GRID1: variants seen among roughly 807,000 people sequenced by gnomAD.
The protein encoded by GRID1 is glutamate receptor ionotropic, delta-1.
In GRID1, 28 loss-of-function variants were observed where a neutral mutation model predicts 98.0. The ratio of observed to expected loss-of-function variants is 0.29; its 90% CI spans 0.21 to 0.39. The LOEUF (loss-of-function observed/expected upper bound fraction) is 0.39. GRID1 is among the 10% of genes least tolerant of loss of function. The pLI, the probability that GRID1 is intolerant of heterozygous loss-of-function variation, is 1.00. For missense variants in GRID1, 1,111 were observed against 1,340.5 expected (o/e 0.83, Z 2.67); for synonymous variants, 553 against 538.5 (o/e 1.03, Z -0.37).
chr10:86,305,391 G>A lies in GRID1; in HGVS notation c.235+58550C>T, dbSNP rs771829132. Among the ~76,000 whole-genome samples the A allele has an allele frequency of 1.3e-4, 20 of 152,318 alleles. 1 individual carries two copies. Among genetic ancestry groups the A allele is most frequent in the Non-Finnish European group, 2.9e-4 (20 of 68,042 alleles). ...AGCCTATCTCTATTTCTCTTAAACTGATGGGAAGTGACATGGCTGGGCATT... is the reference window on the plus strand; with the variant it reads ...AGCCTATCTCTATTTCTCTTAAACTAATGGGAAGTGACATGGCTGGGCATT... On this transcript the variant is annotated intron_variant, in intron 2 of 15. Coordinates refer to ENST00000327946, the MANE Select transcript of GRID1 (RefSeq NM_017551.3).
intron 2 of GRID1, among the ~76,000 whole-genome samples, chr10:86,348,870 G>C (rs1053898050): frequency 2.0e-5 from 3 of 152,224 alleles, no homozygotes; most frequent in African/African-American, 4.8e-5. Flanking sequence ...TAAAGCAGTG[G>C]ATCCCATCCT....
chr10:85,868,966 G>C, intron 6 of GRID1, 44 bp downstream of exon 6: 1 of 1,561,840 alleles, frequency 6.4e-7, no homozygotes, highest in Non-Finnish European at 8.8e-7. Context: ...GTGTGGGTGA[G>C]ACTCTTGGTG....
chr10:85,895,017 ATATAT>A (rs1449732532), intron 5 of GRID1, among the ~76,000 whole-genome samples: 5,706 of 84,196 alleles, frequency 0.068, 162 homozygotes, highest in Non-Finnish European at 0.095. Flanking sequence ...AAAAAAAAAA[ATATAT>A]ATATATATAT....
At chr10:85,614,856 C>T (rs1842770803) in intron 14 of GRID1, among the ~76,000 whole-genome samples, 1 of 152,146 alleles carries the variant, frequency 6.6e-6, no homozygotes, top group Admixed American at 6.5e-5. Context: ...GTCTGTAACC[C>T]AGAAGTCTTA....
At chr10:85,797,609 A>ATTTT (rs746153179) in intron 8 of GRID1, among the ~76,000 whole-genome samples, 4 of 118,038 alleles carry the variant, frequency 3.4e-5, no homozygotes, top group African/African-American at 9.4e-5. Flanking sequence ...CTAAATCTGT[A>ATTTT]TTTTTTTTTT....
chr10:85,949,996 C>A (rs1291335081), intron 4 of GRID1, among the ~76,000 whole-genome samples: 1 of 151,492 alleles, frequency 6.6e-6, no homozygotes, highest in Non-Finnish European at 1.5e-5. Flanking sequence ...AGATGGGTGA[C>A]TGGATGATAA....
chr10:86,017,092 T>C (rs1313025384), intron 4 of GRID1, among the ~76,000 whole-genome samples: 1 of 152,228 alleles, frequency 6.6e-6, no homozygotes, highest in Non-Finnish European at 1.5e-5. Flanking sequence ...CACAAAGTAT[T>C]GGACCTGCTG....
At chr10:85,656,151 A>T (rs1840892920) in intron 12 of GRID1, among the ~76,000 whole-genome samples, 1 of 152,104 alleles carries the variant, frequency 6.6e-6, no homozygotes, top group African/African-American at 2.4e-5. Context: ...AACAACTTTC[A>T]TCAAGGTCAT....
At chr10:85,968,473 C>T (rs957014129) in intron 4 of GRID1, among the ~76,000 whole-genome samples, 5 of 125,492 alleles carry the variant, frequency 4.0e-5, no homozygotes, top group African/African-American at 6.2e-5. Context: ...AAAAAAAAGA[C>T]AACTGCCTGT....
intron 4 of GRID1, among the ~76,000 whole-genome samples, chr10:86,116,358 C>T (rs74571783): frequency 0.029 from 4,375 of 152,250 alleles, 224 homozygotes; most frequent in African/African-American, 0.1. Context: ...GCCTCTACCC[C>T]TAGAATCTGT....
intron 2 of GRID1, among the ~76,000 whole-genome samples, chr10:86,211,880 C>T (rs1846112621): frequency 6.6e-6 from 1 of 152,328 alleles, no homozygotes; most frequent in East Asian, 1.9e-4. Flanking sequence ...CTCTACCCAA[C>T]TGTCCCTGGA....
chr10:85,998,950 C>T (rs530957504), intron 4 of GRID1, among the ~76,000 whole-genome samples: 4 of 152,332 alleles, frequency 2.6e-5, no homozygotes, highest in South Asian at 2.1e-4. Context: ...CAGTGGCTCA[C>T]GCCTGTAATC....
intron 2 of GRID1, among the ~76,000 whole-genome samples, chr10:86,331,702 C>T (rs1468886682): frequency 1.3e-5 from 2 of 152,184 alleles, no homozygotes. Context: ...CACTTCTATC[C>T]CAGTTCTGGT....
chr10:86,224,106 C>T (rs948010525), intron 2 of GRID1, among the ~76,000 whole-genome samples: 3 of 152,240 alleles, frequency 2.0e-5, no homozygotes, highest in Admixed American at 2.0e-4. Context: ...TCCAACTGTA[C>T]TCCGGTTTCA....
At chr10:85,668,495 T>A (rs540229625) in intron 12 of GRID1, among the ~76,000 whole-genome samples, 2 of 152,322 alleles carry the variant, frequency 1.3e-5, no homozygotes, top group East Asian at 3.9e-4. Flanking sequence ...TCTGAGATGT[T>A]CTTTAGACGC....
chr10:85,939,200 G>T (rs1841966073), intron 4 of GRID1, among the ~76,000 whole-genome samples: 1 of 152,152 alleles, frequency 6.6e-6, no homozygotes, highest in Non-Finnish European at 1.5e-5. Context: ...AGGAGGTCAA[G>T]GTCAAGTCTA....
intron 4 of GRID1, among the ~76,000 whole-genome samples, chr10:85,934,954 T>C (rs536039437): frequency 6.6e-6 from 1 of 152,296 alleles, no homozygotes; most frequent in East Asian, 1.9e-4. Context: ...GTTATTTTCA[T>C]AAAGATAAAT....
At chr10:85,910,218 G>A (rs1052219786) in intron 5 of GRID1, among the ~76,000 whole-genome samples, 1 of 152,118 alleles carries the variant, frequency 6.6e-6, no homozygotes, top group Non-Finnish European at 1.5e-5. Flanking sequence ...CAACAGAATT[G>A]GAATCTTCAA....
chr10:85,940,536 A>T (rs1011619550), intron 4 of GRID1, among the ~76,000 whole-genome samples: 13 of 152,204 alleles, frequency 8.5e-5, no homozygotes, highest in Non-Finnish European at 1.2e-4. Context: ...ATCCGTTTCT[A>T]TCGATGTCTG....
Sources: gnomAD v4.1 joint callset for allele counts (sites outside exome capture counted in the v4.1 genomes callset) on GRCh38, gnomAD v4.1.1 for gene constraint, MANE v1.5 for transcripts, NCBI Gene and HGNC (gene_info 2026-07-23, HGNC 2026-07-21) for gene names.